LCOR: variants seen among roughly 807,000 people sequenced by gnomAD.
The protein encoded by LCOR is ligand-dependent corepressor.
In LCOR, 14 loss-of-function variants were observed where a neutral mutation model predicts 64.4. The ratio of observed to expected loss-of-function variants is 0.22; its 90% CI spans 0.14 to 0.34. The LOEUF (loss-of-function observed/expected upper bound fraction) is 0.34, where lower values mean the gene tolerates loss of function less well. Ranked by LOEUF, LCOR falls within the 10% of genes least tolerant of loss-of-function variation. The pLI is 1.00. For missense variants in LCOR, 1,686 were observed against 1,765.3 expected (o/e 0.96, Z 0.80); for synonymous variants, 643 against 642.5 (o/e 1.00, Z -0.01).
intron 2 of LCOR, among the ~76,000 whole-genome samples, chr10:96,904,519 T>C (rs995075562): frequency 4.6e-5 from 7 of 152,180 alleles, no homozygotes; most frequent in Non-Finnish European, 8.8e-5. Context: ...CCTGAAGACA[T>C]GGTGCAGGTT....
At chr10:96,848,085 T>C (rs570260469) in intron 2 of LCOR, among the ~76,000 whole-genome samples, 6 of 152,358 alleles carry the variant, frequency 3.9e-5, no homozygotes, top group Non-Finnish European at 8.8e-5. Flanking sequence ...TCTTAGTAAT[T>C]ACTATACCTA....
intron 7 of LCOR, chr10:96,958,906 T>TAAAAAAAAA (rs74784568): frequency 2.8e-4 from 29 of 103,876 alleles, no homozygotes; most frequent in African/African-American, 3.8e-4. Flanking sequence ...AAGAAAAACT[T>TAAAAAAAAA]AAAAAAAAAA....
At chr10:96,932,999 CAAAAT>C (rs1366340854) in intron 4 of LCOR, among the ~76,000 whole-genome samples, 1 of 151,942 alleles carries the variant, frequency 6.6e-6, no homozygotes, top group East Asian at 1.9e-4. Flanking sequence ...GTTATAGTAA[CAAAAT>C]AAAAAACTGG....
chr10:96,872,688 A>C (rs1846091626), intron 2 of LCOR, among the ~76,000 whole-genome samples: 2 of 152,306 alleles, frequency 1.3e-5, no homozygotes, highest in Admixed American at 1.3e-4. Context: ...AAAACAAAAA[A>C]ACAGGAAAAT....
chr10:96,834,104 C>T (rs1435419122), intron 2 of LCOR, among the ~76,000 whole-genome samples: 1 of 152,196 alleles, frequency 6.6e-6, no homozygotes, highest in Non-Finnish European at 1.5e-5. Context: ...GTAACCTTTA[C>T]TTAAAGAATA....
intron 2 of LCOR, among the ~76,000 whole-genome samples, chr10:96,888,471 G>A (rs1187366616): frequency 1.3e-5 from 2 of 149,428 alleles, no homozygotes. Context: ...GCGGGCATGA[G>A]AACTTCCCTT....
intron 2 of LCOR, among the ~76,000 whole-genome samples, chr10:96,862,835 C>G (rs1367127362): frequency 6.6e-6 from 1 of 151,994 alleles, no homozygotes; most frequent in Non-Finnish European, 1.5e-5. Context: ...CAGAATATCA[C>G]AAGTATCTTT....
chr10:96,833,584 T>C (rs941638299), intron 2 of LCOR, 105 bp downstream of exon 2: 3 of 367,296 alleles, frequency 8.2e-6, no homozygotes, highest in African/African-American at 4.4e-5. Context: ...TCCCCGTCTT[T>C]GCTTCGGTGC....
intron 4 of LCOR, among the ~76,000 whole-genome samples, chr10:96,923,441 C>G (rs1482907595): frequency 6.6e-6 from 1 of 152,188 alleles, no homozygotes; most frequent in Non-Finnish European, 1.5e-5. Flanking sequence ...CTTCTGCAGT[C>G]TAGGCCATCC....
At chr10:96,910,271 T>C (rs866016499) in intron 4 of LCOR, among the ~76,000 whole-genome samples, 3 of 152,262 alleles carry the variant, frequency 2.0e-5, no homozygotes. Flanking sequence ...ACAACTGTTT[T>C]ACTGTTTGTA....
chr10:96,984,857 A>G lies in LCOR; in HGVS notation c.4397A>G (p.Lys1466Arg), dbSNP rs1420358932. The G allele has an allele frequency of 1.2e-6, 2 of 1,614,154 alleles. No homozygotes were observed. The highest frequency in any genetic ancestry group is 3.3e-5 in the Admixed American group (2 of 60,002). The change falls in exon 8 of 8, where the codon AAG (lysine) becomes AGG (arginine). Residue 1466 changes from lysine to arginine, a missense_variant. Coordinates refer to ENST00000421806, the MANE Select transcript of LCOR (RefSeq NM_001346516.2). ...KVKIPKKSAGKSCPPSRKEKE... is the reference protein window; with the variant it reads ...KVKIPKKSAGRSCPPSRKEKE... ...AAGATCCCTAAAAAGTCCGCTGGGA[A>G]GAGCTGCCCTCCCTCCAGGAAAGAA...
At chr10:96,870,604 G>A (rs1049461093) in intron 2 of LCOR, among the ~76,000 whole-genome samples, 25 of 152,224 alleles carry the variant, frequency 1.6e-4, no homozygotes, top group Middle Eastern at 3.4e-3. Flanking sequence ...TTGGAATTAC[G>A]TCATCCTCGA....
chr10:96,966,757 C>T (rs1245736847), intron 7 of LCOR, among the ~76,000 whole-genome samples: 1 of 151,906 alleles, frequency 6.6e-6, no homozygotes, highest in Non-Finnish European at 1.5e-5. Context: ...CGTTGTTTGA[C>T]AGGATCTCAT....
At chr10:96,901,081 C>T (rs1217980246) in intron 2 of LCOR, among the ~76,000 whole-genome samples, 3 of 151,790 alleles carry the variant, frequency 2.0e-5, no homozygotes, top group Non-Finnish European at 4.4e-5. Flanking sequence ...CGCAGCTACT[C>T]GGGAGGCTGA....
Position 96,983,039 on chromosome 10 carries a change from G to A in LCOR, c.2579G>A (p.Gly860Glu). Reference sequence around the variant, plus strand: ...AGTGCAAAACGTTCAAAAAAAGAAGGGCACCCTGGTGGGACAACACCTAAG... The same window carrying A: ...AGTGCAAAACGTTCAAAAAAAGAAGAGCACCCTGGTGGGACAACACCTAAG... Reference protein sequence around the residue: ...NPSAKRSKKEGHPGGTTPKGL... With the variant: ...NPSAKRSKKEEHPGGTTPKGL... The change falls in exon 8 of 8, where the codon GGG becomes GAG. Residue 860 changes from glycine to glutamate, a missense_variant. Coordinates refer to ENST00000421806, the MANE Select transcript of LCOR (RefSeq NM_001346516.2). The surrounding 1 kb of genome is among the most constrained non-coding windows in gnomAD (Gnocchi z 4.5). 1.9e-6 allele frequency: 3 copies of A among 1,613,878 alleles called. No individual in the cohort carries two copies. Among genetic ancestry groups the A allele is most frequent in the Non-Finnish European group, 2.5e-6 (3 of 1,179,932 alleles).
At chr10:96,857,010 A>G (rs1405443433) in intron 2 of LCOR, among the ~76,000 whole-genome samples, 4 of 152,104 alleles carry the variant, frequency 2.6e-5, no homozygotes, top group African/African-American at 9.7e-5. Context: ...AACCACTTCA[A>G]GCCATTCTCT....
chr10:96,906,174 T>G (rs937958765), intron 2 of LCOR, among the ~76,000 whole-genome samples: 1 of 152,168 alleles, frequency 6.6e-6, no homozygotes, highest in Non-Finnish European at 1.5e-5. Context: ...GGTGACAGAT[T>G]ATGTGGCAAA....
At position 96,989,425 on chromosome 10, in the gene LCOR, G is replaced by A. The variant is rs1268725842; in HGVS notation, c.*4291G>A. Reference sequence around the variant, plus strand: ...AATGTCACATTTAGATATGGAAAATGTTTTTTCACAGAGTAGAAACAAAGT... The same window carrying A: ...AATGTCACATTTAGATATGGAAAATATTTTTTCACAGAGTAGAAACAAAGT... On this transcript the variant is annotated 3_prime_UTR_variant, in exon 8 of 8. Transcript: ENST00000421806. The A allele has an allele frequency of 6.6e-6, 1 of 151,954 alleles. No individual in the cohort carries two copies. Among genetic ancestry groups the A allele is most frequent in the East Asian group, 1.9e-4 (1 of 5,192 alleles). The allele number at this position is 151,954 out of a possible 1,614,324, so 9.4% of individuals were successfully genotyped here.
intron 7 of LCOR, chr10:96,955,911 A>G: frequency 6.2e-7 from 1 of 1,612,620 alleles, no homozygotes; most frequent in South Asian, 1.1e-5. Context: ...AAATGAATCA[A>G]AAAACGAGTA....
Sources: allele counts gnomAD v4.1 joint callset (sites outside exome capture counted in the v4.1 genomes callset), GRCh38; gene constraint gnomAD v4.1.1; non-coding constraint Gnocchi (gnomAD v3.1); transcripts MANE v1.5; gene names NCBI Gene and HGNC (gene_info 2026-07-23, HGNC 2026-07-21).